Variants in PRKCE observed in about 807,000 individuals in gnomAD.
PRKCE encodes protein kinase C epsilon.
PRKCE carries 16 observed loss-of-function variants against 85.4 expected under a neutral mutation model. The ratio of observed to expected loss-of-function variants is 0.19; its 90% CI spans 0.13 to 0.28. The LOEUF (loss-of-function observed/expected upper bound fraction) is 0.28. Ranked by LOEUF, PRKCE falls within the 10% of genes least tolerant of loss-of-function variation. PRKCE has a pLI of 1.00. For synonymous variants in PRKCE, 388 were observed against 371.5 expected (o/e 1.04, Z -0.51); for missense variants, 573 against 975.2 (o/e 0.59, Z 5.49).
chr2:45,827,117 A>G (rs919559866), intron 1 of PRKCE, among the ~76,000 whole-genome samples: 2 of 152,088 alleles, frequency 1.3e-5, no homozygotes, highest in South Asian at 4.1e-4. Flanking sequence ...CTCATCTCCA[A>G]CTGCCCTCCA....
At chr2:46,061,934 A>G (rs961154261) in intron 10 of PRKCE, among the ~76,000 whole-genome samples, 5 of 140,234 alleles carry the variant, frequency 3.6e-5, no homozygotes, top group African/African-American at 1.4e-4. Flanking sequence ...TCGGCTCACT[A>G]CAACCTCCGC....
In PRKCE at chr2:45,797,939, C is replaced by T. The variant is rs1238954629; in HGVS notation, c.349-45061C>T. Among the ~76,000 whole-genome samples, 4 of 152,170 alleles carry T rather than the reference C, an allele frequency of 2.6e-5. No homozygotes were observed. The East Asian group carries it at 5.8e-4, about 22-fold the overall frequency. On this transcript the variant is annotated intron_variant, in intron 1 of 14. Transcript: ENST00000306156. ...CACATTGCCAACATAACAAAACAGG[C>T]GCTGGGCTTACTGAGTTCCTTCGCC...
At chr2:45,914,662 CAT>C (rs1032988979) in intron 2 of PRKCE, among the ~76,000 whole-genome samples, 1 of 152,170 alleles carries the variant, frequency 6.6e-6, no homozygotes, top group African/African-American at 2.4e-5. Context: ...TCTTTCTACA[CAT>C]GTTAAAGTCA....
intron 2 of PRKCE, among the ~76,000 whole-genome samples, chr2:45,880,592 A>T (rs1694806461): frequency 1.3e-5 from 2 of 151,748 alleles, no homozygotes; most frequent in Non-Finnish European, 2.9e-5. Context: ...TGATTAAGAC[A>T]GTCTGTTTAC....
chr2:46,056,549 T>G (rs1167884572), intron 10 of PRKCE, among the ~76,000 whole-genome samples: 1 of 152,256 alleles, frequency 6.6e-6, no homozygotes, highest in Non-Finnish European at 1.5e-5. Flanking sequence ...TTGATTAAGA[T>G]AAAAATTGTC....
At chr2:45,908,824 G>C (rs1026085722) in intron 2 of PRKCE, among the ~76,000 whole-genome samples, 2 of 152,108 alleles carry the variant, frequency 1.3e-5, no homozygotes, top group East Asian at 1.9e-4. Context: ...TATCCTCCAG[G>C]GTGGGCAAAA....
At chr2:45,766,655 G>A (rs2104873853) in intron 1 of PRKCE, among the ~76,000 whole-genome samples, 1 of 152,328 alleles carries the variant, frequency 6.6e-6, no homozygotes, top group Non-Finnish European at 1.5e-5. Context: ...GGTACATGTT[G>A]GTTAGGGTGA....
intron 14 of PRKCE, among the ~76,000 whole-genome samples, chr2:46,182,148 G>T (rs1369642364): frequency 1.3e-5 from 2 of 152,070 alleles, no homozygotes; most frequent in Non-Finnish European, 2.9e-5. Flanking sequence ...ATGATACCCA[G>T]GGCTTCCCTA....
chr2:45,936,988 C>A (rs1245968027), intron 2 of PRKCE, among the ~76,000 whole-genome samples: 1 of 152,176 alleles, frequency 6.6e-6, no homozygotes, highest in Non-Finnish European at 1.5e-5. Flanking sequence ...GAGCCTGGTA[C>A]AGACACAAGC....
intron 10 of PRKCE, among the ~76,000 whole-genome samples, chr2:46,065,531 G>A (rs573385790): frequency 6.6e-6 from 1 of 152,106 alleles, no homozygotes; most frequent in African/African-American, 2.4e-5. Flanking sequence ...CATCTGAATA[G>A]CCAAAAGTTA....
chr2:45,913,537 C>T (rs535789436), intron 2 of PRKCE, among the ~76,000 whole-genome samples: 8 of 152,156 alleles, frequency 5.3e-5, no homozygotes, highest in African/African-American at 1.2e-4. Flanking sequence ...CTCTTAGTTC[C>T]GGTATCTGGA....
intron 10 of PRKCE, among the ~76,000 whole-genome samples, chr2:46,058,449 C>T (rs545292848): frequency 6.6e-6 from 1 of 152,184 alleles, no homozygotes; most frequent in Non-Finnish European, 1.5e-5. Flanking sequence ...ATCAACCAAA[C>T]TTCAACTAAA....
chr2:45,993,673 C>T (rs1194854521), intron 6 of PRKCE, among the ~76,000 whole-genome samples: 1 of 152,104 alleles, frequency 6.6e-6, no homozygotes, highest in East Asian at 1.9e-4. Flanking sequence ...ATTCTCTTTT[C>T]CGTCACTTCA....
At chr2:45,721,214 A>G (rs1680592379) in intron 1 of PRKCE, among the ~76,000 whole-genome samples, 2 of 152,164 alleles carry the variant, frequency 1.3e-5, no homozygotes, top group South Asian at 2.1e-4. Context: ...TAAACAAGGA[A>G]ACTGAGGCTC....
At chr2:45,807,020 A>G (rs986326855) in intron 1 of PRKCE, among the ~76,000 whole-genome samples, 1 of 152,200 alleles carries the variant, frequency 6.6e-6, no homozygotes, top group African/African-American at 2.4e-5. Context: ...AGCTTTCTGC[A>G]GGTCTGGATA....
chr2:45,713,747 A>G (rs1679856938), intron 1 of PRKCE, among the ~76,000 whole-genome samples: 1 of 152,186 alleles, frequency 6.6e-6, no homozygotes, highest in African/African-American at 2.4e-5. Flanking sequence ...AAGTGAAGAT[A>G]AAACACCCCT....
In PRKCE at chr2:45,958,817, T is replaced by TATATATATATATA. The variant is rs1491498471; in HGVS notation, c.413-17612_413-17611insATATATATATATA. Among the ~76,000 whole-genome samples the TATATATATATATA allele has an allele frequency of 3.9e-3, 28 of 7,230 alleles. 1 individual carries two copies. The highest frequency in any genetic ancestry group is 0.017 in the East Asian group (2 of 120). 4.7% of individuals were successfully genotyped at this position (7,230 alleles called of 152,430 possible). ...ATATATATATATATATATATATATA[T>TATATATATATATA]TTTTTTTTTTTTTTTTTTTTTTTTT... On this transcript the variant is annotated intron_variant, in intron 2 of 14. Transcript: ENST00000306156.
At position 46,110,125 on chromosome 2, in the gene PRKCE, A is replaced by G. The variant is rs1574494432; in HGVS notation, c.1592+23763A>G. 2.0e-5 allele frequency among the ~76,000 whole-genome samples: 3 copies of G among 152,260 alleles called. No individual in the cohort carries two copies. In the South Asian group the frequency reaches 6.2e-4, roughly 32 times the overall value. On this transcript the variant is annotated intron_variant, in intron 11 of 14. Transcript: ENST00000306156. ...TTGAGAAATCTTTGCATCTATGATC[A>G]TGAGAGATATTGGTCAGTTGTTATA...
At chr2:45,844,736 A>G (rs1304050111) in intron 2 of PRKCE, among the ~76,000 whole-genome samples, 2 of 152,232 alleles carry the variant, frequency 1.3e-5, no homozygotes, top group African/African-American at 2.4e-5. Flanking sequence ...TGAGCAACCA[A>G]TGGGAGGCTG....
Sources: allele counts gnomAD v4.1 joint callset (sites outside exome capture counted in the v4.1 genomes callset), GRCh38; gene constraint gnomAD v4.1.1; transcripts MANE v1.5; gene names NCBI Gene and HGNC (gene_info 2026-07-23, HGNC 2026-07-21).